Variants in HS3ST4 observed in about 807,000 individuals in gnomAD.
HS3ST4 encodes the protein heparan sulfate glucosamine 3-O-sulfotransferase 4.
A neutral mutation model predicts 29.2 loss-of-function variants in HS3ST4; 17 were observed. The observed-to-expected ratio is 0.58, with a 90% CI of 0.40 to 0.87. HS3ST4 has a LOEUF of 0.87. Ranked by LOEUF, HS3ST4 falls within the 40% of genes least tolerant of loss-of-function variation. HS3ST4 has a pLI of 0.00. For missense variants in HS3ST4, 627 were observed against 634.5 expected (o/e 0.99, Z 0.13); for synonymous variants, 314 against 285.7 (o/e 1.10, Z -1.00).
chr16:25,738,407 A>T (rs1368357139), intron 1 of HS3ST4, among the ~76,000 whole-genome samples: 1 of 152,142 alleles, frequency 6.6e-6, no homozygotes, highest in Non-Finnish European at 1.5e-5. Context: ...TTTCTAACTG[A>T]GGGCCTTCAT....
At chr16:26,088,398 A>C (rs1898814905) in intron 1 of HS3ST4, among the ~76,000 whole-genome samples, 1 of 152,030 alleles carries the variant, frequency 6.6e-6, no homozygotes, top group Non-Finnish European at 1.5e-5. Flanking sequence ...TGATTGCTTG[A>C]ATTGGTTGTT....
At chr16:25,728,158 C>T (rs1966549627) in intron 1 of HS3ST4, among the ~76,000 whole-genome samples, 1 of 152,156 alleles carries the variant, frequency 6.6e-6, no homozygotes, top group African/African-American at 2.4e-5. Flanking sequence ...CGCGCCATCA[C>T]ACCCAGCCAA....
At chr16:26,061,143 G>A (rs904914913) in intron 1 of HS3ST4, among the ~76,000 whole-genome samples, 1 of 152,192 alleles carries the variant, frequency 6.6e-6, no homozygotes, top group African/African-American at 2.4e-5. Flanking sequence ...AACAGCATTT[G>A]ATGTAGAAAC....
chr16:25,944,428 T>C (rs1157221522), intron 1 of HS3ST4, among the ~76,000 whole-genome samples: 1 of 152,218 alleles, frequency 6.6e-6, no homozygotes, highest in Non-Finnish European at 1.5e-5. Context: ...CCATAGTGAC[T>C]CCATCTTGGT....
chr16:25,779,528 T>C (rs1437406624), intron 1 of HS3ST4, among the ~76,000 whole-genome samples: 1 of 152,216 alleles, frequency 6.6e-6, no homozygotes, highest in African/African-American at 2.4e-5. Context: ...ATTTACTACC[T>C]GTCCACTTCA....
intron 1 of HS3ST4, among the ~76,000 whole-genome samples, chr16:25,751,016 G>A (rs1367758477): frequency 6.6e-6 from 1 of 152,174 alleles, no homozygotes; most frequent in East Asian, 1.9e-4. Flanking sequence ...CCATTGTGTG[G>A]TGGAAGTGCT....
chr16:25,824,319 C>T (rs562312766), intron 1 of HS3ST4, among the ~76,000 whole-genome samples: 2 of 152,320 alleles, frequency 1.3e-5, no homozygotes, highest in South Asian at 4.1e-4. Context: ...ACAGCACTCT[C>T]CCAGTTGCCA....
chr16:26,038,364 A>AT (rs111951725), intron 1 of HS3ST4, among the ~76,000 whole-genome samples: 26,743 of 152,024 alleles, frequency 0.18, 2,529 homozygotes, highest in Middle Eastern at 0.29. Context: ...CACACGGTGC[A>AT]TTTACTTGTT....
intron 1 of HS3ST4, among the ~76,000 whole-genome samples, chr16:26,047,966 C>T (rs114772396): frequency 6.5e-4 from 99 of 152,282 alleles, no homozygotes; most frequent in African/African-American, 2.3e-3. Flanking sequence ...ATGACTCCTG[C>T]TCCAACCAGA....
chr16:25,724,633 A>G (rs1207539247), intron 1 of HS3ST4, among the ~76,000 whole-genome samples: 1 of 151,944 alleles, frequency 6.6e-6, no homozygotes. Flanking sequence ...AAGTGCTGGG[A>G]TTACAGGCAT....
chr16:25,935,358 T>A (rs942582310), intron 1 of HS3ST4, among the ~76,000 whole-genome samples: 2 of 152,198 alleles, frequency 1.3e-5, no homozygotes, highest in Admixed American at 6.5e-5. Context: ...TAGGGTTCAC[T>A]CTTGGTGTTG....
At chr16:26,123,943 T>G (rs1596690043) in intron 1 of HS3ST4, among the ~76,000 whole-genome samples, 1 of 152,130 alleles carries the variant, frequency 6.6e-6, no homozygotes, top group African/African-American at 2.4e-5. Context: ...TGAGACTTTT[T>G]TTTTTTTGCT....
intron 1 of HS3ST4, among the ~76,000 whole-genome samples, chr16:26,059,787 AT>A (rs1297205995): frequency 2.0e-5 from 3 of 151,596 alleles, no homozygotes; most frequent in Admixed American, 6.6e-5. Flanking sequence ...TTTTATTTTT[AT>A]TTTTTTTGAG....
intron 1 of HS3ST4, among the ~76,000 whole-genome samples, chr16:25,986,196 C>A (rs1053463461): frequency 1.3e-5 from 2 of 152,198 alleles, no homozygotes; most frequent in South Asian, 4.1e-4. Context: ...GTATGGTATA[C>A]TTATTCATTC....
chr16:25,733,520 A>G (rs74670885), intron 1 of HS3ST4, among the ~76,000 whole-genome samples: 3,909 of 152,268 alleles, frequency 0.026, 185 homozygotes, highest in African/African-American at 0.089. Flanking sequence ...GTTCAGAAGG[A>G]AGGAACATGA....
chr16:25,761,266 G>T (rs985623824), intron 1 of HS3ST4, among the ~76,000 whole-genome samples: 1 of 152,194 alleles, frequency 6.6e-6, no homozygotes, highest in Non-Finnish European at 1.5e-5. Context: ...CTCTGGACCT[G>T]CCCTGCTCAA....
At chr16:25,869,458 A>G (rs764943008) in intron 1 of HS3ST4, among the ~76,000 whole-genome samples, 1 of 152,164 alleles carries the variant, frequency 6.6e-6, no homozygotes. Context: ...AGCTTTGGGC[A>G]TGTTATTTGA....
At chr16:25,803,919 C>G (rs1417552430) in intron 1 of HS3ST4, among the ~76,000 whole-genome samples, 1 of 152,052 alleles carries the variant, frequency 6.6e-6, no homozygotes, top group Non-Finnish European at 1.5e-5. Context: ...TGAGTCCTTT[C>G]ATTTTTCATA....
intron 1 of HS3ST4, among the ~76,000 whole-genome samples, chr16:26,068,956 T>G (rs961535810): frequency 2.0e-5 from 3 of 152,140 alleles, no homozygotes. Context: ...ATTATTTATT[T>G]ATGTATTGTG....
Sources: allele counts gnomAD v4.1 joint callset (sites outside exome capture counted in the v4.1 genomes callset), GRCh38; gene constraint gnomAD v4.1.1; transcripts MANE v1.5; gene names NCBI Gene and HGNC (gene_info 2026-07-23, HGNC 2026-07-21).